The following GABPA variants were observed in gnomAD, a reference collection of about 807,000 sequenced individuals.
The protein encoded by GABPA is GA-binding protein alpha chain.
GABPA carries 4 observed loss-of-function variants against 59.4 expected under a neutral mutation model. That is an observed-to-expected ratio of 0.07 (90% CI 0.03 to 0.15). The LOEUF is 0.15. GABPA is among the 10% of genes least tolerant of loss of function. The pLI, the probability that GABPA is intolerant of heterozygous loss-of-function variation, is 1.00. For missense variants in GABPA, 251 were observed against 543.8 expected, an observed-to-expected ratio of 0.46 and a Z score of 5.36; for synonymous variants, 164 against 183.1, an observed-to-expected ratio of 0.90 and a Z score of 0.84.
At position 25,770,837 on chromosome 21, in the gene GABPA, C is replaced by T. The variant is rs529512419; in HGVS notation, c.*1605C>T. On this transcript the variant is annotated 3_prime_UTR_variant, in exon 10 of 10. Coordinates refer to ENST00000400075, the MANE Select transcript of GABPA (RefSeq NM_002040.4). ...ATCTCTTTCTCTGGTAATCTTAATG[C>T]ATAATTTTACTAAAACATGTTCTCA... The T allele has an allele frequency of 1.3e-5, 2 of 152,134 alleles. No individual in the cohort carries two copies. The highest frequency in any genetic ancestry group is 1.3e-4 in the Admixed American group (2 of 15,282). 9.4% of individuals were successfully genotyped at this position (152,134 alleles called of 1,614,324 possible).
At chr21:25,740,806 ACAT>A (rs1319996826) in intron 1 of GABPA, among the ~76,000 whole-genome samples, 1 of 152,214 alleles carries the variant, frequency 6.6e-6, no homozygotes, top group South Asian at 2.1e-4. Context: ...TTTATAAGAG[ACAT>A]CATTTGTACC....
At chr21:25,748,196 A>G (rs2035416638) in intron 3 of GABPA, among the ~76,000 whole-genome samples, 2 of 152,154 alleles carry the variant, frequency 1.3e-5, no homozygotes, top group Non-Finnish European at 2.9e-5. Flanking sequence ...GTGAGCCACC[A>G]TGCCCAGCCG....
At chr21:25,746,518 A>C (rs893472693) in intron 3 of GABPA, among the ~76,000 whole-genome samples, 1 of 152,210 alleles carries the variant, frequency 6.6e-6, no homozygotes, top group African/African-American at 2.4e-5. Flanking sequence ...TTGTTGTACA[A>C]TAAGTTGAAG....
At chr21:25,759,460 CT>C (rs1452782135) in intron 6 of GABPA, among the ~76,000 whole-genome samples, 2 of 152,072 alleles carry the variant, frequency 1.3e-5, no homozygotes, top group Non-Finnish European at 2.9e-5. Flanking sequence ...AACCCCAGCA[CT>C]TTGGGAGTCT....
At chr21:25,757,821 A>C (rs1281333847) in intron 5 of GABPA, among the ~76,000 whole-genome samples, 189 bp from the exon 6 acceptor site, 11 of 151,612 alleles carry the variant, frequency 7.3e-5, no homozygotes, top group Admixed American at 7.2e-4. Flanking sequence ...AGAAATTGGA[A>C]AGGAGCTGAG....
At chr21:25,740,673 T>C (rs2035197422) in intron 1 of GABPA, among the ~76,000 whole-genome samples, 1 of 152,236 alleles carries the variant, frequency 6.6e-6, no homozygotes, top group African/African-American at 2.4e-5. Context: ...GAAGTAGTGG[T>C]CTGTTTAAAA....
intron 4 of GABPA, 42 bp from the exon 5 acceptor site, chr21:25,751,947 G>T: frequency 6.3e-7 from 1 of 1,596,886 alleles, no homozygotes; most frequent in Admixed American, 1.7e-5. Flanking sequence ...TGACTTCTGC[G>T]TTTTCATTTA....
chr21:25,735,115 T>G lies in GABPA; in HGVS notation c.-490T>G. On this transcript the variant is annotated 5_prime_UTR_variant, in exon 1 of 10. Coordinates refer to ENST00000400075, the MANE Select transcript of GABPA (RefSeq NM_002040.4). ...CTGGCACAGCCTCCGCCATCTTTTC[T>G]TCGCCTAATTTGACCCGTTCTTTTT... 1 of 740,794 alleles carries G rather than the reference T, an allele frequency of 1.3e-6. No homozygotes were observed. The highest frequency in any genetic ancestry group is 1.5e-5 in the South Asian group (1 of 65,760). 45.9% of individuals were successfully genotyped at this position (740,794 alleles called of 1,614,324 possible).
Position 25,764,239 on chromosome 21 carries a change from T to C in GABPA, c.832T>C (p.Ser278Pro), listed in dbSNP as rs2146098821. 3 of 1,608,154 alleles carry C rather than the reference T, an allele frequency of 1.9e-6. No individual in the cohort carries two copies. Among genetic ancestry groups the C allele is most frequent in the Non-Finnish European group, 2.5e-6 (3 of 1,177,872 alleles). ...PVQIIPASVQ[S>P]ATPTTIKVIN... Reference sequence around the variant, plus strand: ...GCAAATTATTCCAGCATCAGTGCAATCTGCTACACCTACTACCATTAAAGT... The same window carrying C: ...GCAAATTATTCCAGCATCAGTGCAACCTGCTACACCTACTACCATTAAAGT... Residue 278 changes from serine to proline, a missense_variant, in exon 8 of 10, where the codon TCT becomes CCT. Around this residue, in one of 4 missense-constraint regions of GABPA, gnomAD observed 207 missense variants for 366.7 expected, o/e 0.56. Coordinates refer to ENST00000400075, the MANE Select transcript of GABPA (RefSeq NM_002040.4).
At chr21:25,741,114 A>C (rs1198576576) in intron 1 of GABPA, among the ~76,000 whole-genome samples, 1 of 152,180 alleles carries the variant, frequency 6.6e-6, no homozygotes, top group Non-Finnish European at 1.5e-5. Context: ...ATTAGTTTAT[A>C]AATGTCATTT....
At chr21:25,761,682 A>T (rs919230983) in intron 6 of GABPA, among the ~76,000 whole-genome samples, 3 of 152,222 alleles carry the variant, frequency 2.0e-5, no homozygotes, top group Admixed American at 1.3e-4. Context: ...AATAACATCT[A>T]AGTAGGGAAT....
Position 25,753,516 on chromosome 21 carries a change from T to C in GABPA, c.553+1282T>C, listed in dbSNP as rs1263985645. ...GAGACAGAAAGAAAGTAATAACTTA[T>C]ATGTATAGTGTCACTGAAATTGAGG... On this transcript the variant is annotated intron_variant, in intron 5 of 9. Transcript: ENST00000400075. Among the ~76,000 whole-genome samples the C allele has an allele frequency of 2.0e-5, 3 of 152,298 alleles. No individual in the cohort carries two copies. The East Asian group carries it at 5.8e-4, about 29-fold the overall frequency.
chr21:25,758,626 A>G (rs2035692835), intron 6 of GABPA, among the ~76,000 whole-genome samples: 1 of 152,222 alleles, frequency 6.6e-6, no homozygotes, highest in Non-Finnish European at 1.5e-5. Flanking sequence ...TCATTTGTTT[A>G]CAGGTGGCTT....
chr21:25,765,078 GAATT>G (rs1286325300), intron 9 of GABPA, among the ~76,000 whole-genome samples: 1 of 151,782 alleles, frequency 6.6e-6, no homozygotes, highest in Non-Finnish European at 1.5e-5. Flanking sequence ...TTGCATAGAT[GAATT>G]GAGTGTTAGT....
Position 25,752,135 on chromosome 21 carries a change from A to G in GABPA, c.454A>G (p.Ile152Val), listed in dbSNP as rs759293057. 1.2e-6 allele frequency: 2 copies of G among 1,610,494 alleles called. No homozygotes were observed. The highest frequency in any genetic ancestry group is 3.3e-5 in the Admixed American group (2 of 59,916). ...QVITLDGTKH[I>V]TTISDETSEQ... ...GATAACTCTTGATGGCACAAAACACATCACAACCATTTCAGATGAAACTTC... is the reference window on the plus strand; with the variant it reads ...GATAACTCTTGATGGCACAAAACACGTCACAACCATTTCAGATGAAACTTC... The change falls in exon 5 of 10, where the codon ATC becomes GTC. Residue 152 changes from isoleucine to valine, a missense_variant. By Grantham distance (29) the Ile-to-Val change is conservative. Coordinates refer to ENST00000400075, the MANE Select transcript of GABPA (RefSeq NM_002040.4).
intron 1 of GABPA, among the ~76,000 whole-genome samples, chr21:25,739,823 G>C (rs1357961333): frequency 6.6e-6 from 1 of 152,088 alleles, no homozygotes; most frequent in Non-Finnish European, 1.5e-5. Flanking sequence ...TTTTTATGTT[G>C]CCCAGGCTGG....
At chr21:25,751,812 C>A (rs950413462) in intron 4 of GABPA, among the ~76,000 whole-genome samples, 177 bp from the exon 5 acceptor site, 2 of 152,014 alleles carry the variant, frequency 1.3e-5, no homozygotes, top group Non-Finnish European at 2.9e-5. Context: ...AGTTGCAAGA[C>A]TAGTAAAAGA....
intron 1 of GABPA, among the ~76,000 whole-genome samples, chr21:25,737,592 A>G (rs997282221): frequency 1.9e-4 from 29 of 152,186 alleles, no homozygotes; most frequent in African/African-American, 6.5e-4. Flanking sequence ...CTTTGTAGCA[A>G]CTTCCTATTT....
intron 9 of GABPA, among the ~76,000 whole-genome samples, chr21:25,768,683 C>A (rs1031875791): frequency 6.6e-6 from 1 of 151,996 alleles, no homozygotes; most frequent in African/African-American, 2.4e-5. Context: ...AGCTCTTGTT[C>A]TTAGGCTCTT....
Sources: allele counts gnomAD v4.1 joint callset (sites outside exome capture counted in the v4.1 genomes callset), GRCh38; gene constraint gnomAD v4.1.1; regional missense constraint gnomAD v4.1.1; transcripts MANE v1.5; gene names NCBI Gene and HGNC (gene_info 2026-07-23, HGNC 2026-07-21).